SYT6: variants seen among roughly 807,000 people sequenced by gnomAD.
SYT6 encodes the protein synaptotagmin 6.
A neutral mutation model predicts 38.4 loss-of-function variants in SYT6; 24 were observed. The ratio of observed to expected loss-of-function variants is 0.62; its 90% confidence interval spans 0.45 to 0.88. The LOEUF is 0.88. Among genes scored for constraint, SYT6 ranks in the 40% least tolerant of loss-of-function variants. The pLI is 0.00. For missense variants in SYT6, 611 were observed against 621.0 expected, an observed-to-expected ratio of 0.98 and a Z score of 0.17; for synonymous variants, 265 against 241.9, an observed-to-expected ratio of 1.10 and a Z score of -0.89.
In SYT6 at chr1:114,137,530, T is replaced by C; in HGVS notation, c.1036A>G (p.Thr346Ala). The change falls in exon 3 of 8, where the codon ACC (threonine) becomes GCC (alanine). Residue 346 changes from threonine (T) to alanine (A), a missense_variant. By Grantham distance (58) the Thr-to-Ala change is moderately conservative. Coordinates refer to ENST00000610222, the MANE Select transcript of SYT6 (RefSeq NM_001253772.2). ...LFEASDLSRE[T>A]SIWKDIQYAT... Reference sequence around the variant, plus strand: ...TATTGGATATCCTTCCAGATGGAGGTTTCCCGAGACAGGTCAGAGGCCTCA... The same window carrying C: ...TATTGGATATCCTTCCAGATGGAGGCTTCCCGAGACAGGTCAGAGGCCTCA... 6.2e-7 allele frequency: 1 copy of C among 1,613,814 alleles called. No individual in the cohort carries two copies. The highest frequency in any genetic ancestry group is 8.5e-7 in the Non-Finnish European group (1 of 1,179,810).
intron 6 of SYT6, among the ~76,000 whole-genome samples, chr1:114,095,454 T>C (rs375340885): frequency 6.6e-6 from 1 of 152,338 alleles, no homozygotes; most frequent in South Asian, 2.1e-4. Context: ...GCTCTGTCAC[T>C]TTCCATTTTC....
At position 114,139,579 on chromosome 1, in the gene SYT6, T is replaced by A. The variant is rs374802990; in HGVS notation, c.512+36A>T. 5.1e-5 allele frequency: 82 copies of A among 1,611,054 alleles called. No homozygotes were observed. The Middle Eastern group carries it at 5.2e-4, about 10-fold the overall frequency. On this transcript the variant is annotated intron_variant, in intron 2 of 7. Transcript: ENST00000610222. ...TAGATGTATTAAGGGAGTGTGGAGG[T>A]GTGGGGGTCAGGGAAGGGAGTGGTC...
chr1:114,113,103 C>T (rs1383888137), intron 3 of SYT6, among the ~76,000 whole-genome samples: 1 of 152,186 alleles, frequency 6.6e-6, no homozygotes, highest in African/African-American at 2.4e-5. Flanking sequence ...TCTTTGGGGA[C>T]AGTCACCCTG....
At chr1:114,104,646 G>T (rs1676172081) in intron 3 of SYT6, among the ~76,000 whole-genome samples, 1 of 150,552 alleles carries the variant, frequency 6.6e-6, no homozygotes, top group Non-Finnish European at 1.5e-5. Flanking sequence ...TCAGCGTTTA[G>T]GGTGATTTCA....
intron 3 of SYT6, among the ~76,000 whole-genome samples, chr1:114,121,314 C>G (rs1230065889): frequency 6.6e-6 from 1 of 152,198 alleles, no homozygotes; most frequent in Non-Finnish European, 1.5e-5. Flanking sequence ...GCCCTGCACA[C>G]CTCGCACTCT....
intron 3 of SYT6, among the ~76,000 whole-genome samples, chr1:114,113,820 C>T (rs1397775459): frequency 6.6e-6 from 1 of 152,196 alleles, no homozygotes; most frequent in Non-Finnish European, 1.5e-5. Flanking sequence ...TGCTCTTCCC[C>T]AGATGGAAAA....
chr1:114,128,932 T>C (rs1224133663), intron 3 of SYT6, among the ~76,000 whole-genome samples: 1 of 152,196 alleles, frequency 6.6e-6, no homozygotes, highest in Non-Finnish European at 1.5e-5. Context: ...TATGCCGACA[T>C]CTCCAAAATC....
chr1:114,100,801 CCCCAATA>C (rs1394483938), intron 4 of SYT6, among the ~76,000 whole-genome samples: 1 of 152,204 alleles, frequency 6.6e-6, no homozygotes, highest in Non-Finnish European at 1.5e-5. Context: ...GCAGAGCTAG[CCCCAATA>C]CCTGTCTTTA....
chr1:114,103,801 G>A (rs1484885140), intron 3 of SYT6, 80 bp from the exon 4 acceptor site: 24 of 1,528,094 alleles, frequency 1.6e-5, no homozygotes, highest in East Asian at 4.8e-5. Flanking sequence ...CTGCTGGGGC[G>A]CTCTGGGGTC....
rs547335686 is a variant in SYT6, at chr1:114,113,724, A to AG, written c.1072-10004_1072-10003insC. 1.8e-3 allele frequency among the ~76,000 whole-genome samples: 267 copies of AG among 151,782 alleles called. 3 individuals carry two copies. The highest frequency in any genetic ancestry group is 6.3e-3 in the African/African-American group (260 of 41,372). ...CAGTGCCACACGGAGGCCAAAGCCTACCCCCCTGCCAGCATACAGCCGCCT... is the reference window on the plus strand; with the variant it reads ...CAGTGCCACACGGAGGCCAAAGCCTAGCCCCCCTGCCAGCATACAGCCGCCT... On this transcript the variant is annotated intron_variant, in intron 3 of 7. Coordinates refer to ENST00000610222, the MANE Select transcript of SYT6 (RefSeq NM_001253772.2).
intron 3 of SYT6, among the ~76,000 whole-genome samples, chr1:114,112,265 C>T (rs888544967): frequency 4.7e-4 from 71 of 152,262 alleles, no homozygotes; most frequent in African/African-American, 1.4e-3. Context: ...CAGCGGTGCA[C>T]GGAGGACGTG....
intron 3 of SYT6, among the ~76,000 whole-genome samples, chr1:114,128,606 T>C (rs967081896): frequency 6.6e-6 from 1 of 152,208 alleles, no homozygotes. Context: ...GCGGCCCTTG[T>C]CAAGGCCGAT....
chr1:114,129,412 TCTTACCTCTCCC>T (rs1160556133), intron 3 of SYT6, among the ~76,000 whole-genome samples: 3,202 of 151,538 alleles, frequency 0.021, 115 homozygotes, highest in African/African-American at 0.074. Flanking sequence ...CTCTCCCGCC[TCTTACCTCTCCC>T]GCCTCTTACC....
rs946726413 is a variant in SYT6, at chr1:114,153,642, G to T, written c.131C>A (p.Pro44His). ...TGCCGCGCTGGGACTCCGCTCTGGG[G>T]GCTGCAGCTCGAAGCTCCGACAAGT... ...VETCRSFELQPPERSPSAAGA... is the reference protein window; with the variant it reads ...VETCRSFELQHPERSPSAAGA... Residue 44 changes from proline to histidine, a missense_variant, in exon 1 of 8, where the codon CCC becomes CAC. By Grantham distance (77) the Pro-to-His change is moderately conservative. Transcript: ENST00000610222. The T allele has an allele frequency of 3.1e-6, 2 of 645,724 alleles. No individual in the cohort carries two copies. The highest frequency in any genetic ancestry group is 2.6e-5 in the Admixed American group (1 of 38,936). The allele number at this position is 645,724 out of a possible 1,614,324, so 40.0% of individuals were successfully genotyped here. A position where few individuals can be genotyped will look rare whatever the true frequency, so the allele number is the denominator to read the frequency against.
chr1:114,105,288 G>A (rs1023150024), intron 3 of SYT6, among the ~76,000 whole-genome samples: 4 of 151,422 alleles, frequency 2.6e-5, no homozygotes, highest in Admixed American at 6.6e-5. Flanking sequence ...ACCCTCTCCT[G>A]GAGACTCCTA....
intron 3 of SYT6, among the ~76,000 whole-genome samples, chr1:114,114,039 G>C (rs976235210): frequency 6.6e-6 from 1 of 152,040 alleles, no homozygotes; most frequent in Non-Finnish European, 1.5e-5. Context: ...TCCTCTGATT[G>C]ACCGTTCTTT....
At chr1:114,134,572 G>T (rs778651024) in intron 3 of SYT6, among the ~76,000 whole-genome samples, 4 of 152,210 alleles carry the variant, frequency 2.6e-5, no homozygotes, top group African/African-American at 4.8e-5. Flanking sequence ...CACGGGAGAG[G>T]CAGCTGCTGT....
At chr1:114,101,458 T>A (rs561226264) in intron 4 of SYT6, among the ~76,000 whole-genome samples, 1 of 152,306 alleles carries the variant, frequency 6.6e-6, no homozygotes, top group South Asian at 2.1e-4. Context: ...AAATCCAGCA[T>A]TTAGAATGTG....
At chr1:114,119,708 A>G (rs947271026) in intron 3 of SYT6, among the ~76,000 whole-genome samples, 1 of 152,140 alleles carries the variant, frequency 6.6e-6, no homozygotes. Context: ...TGTTCACCCA[A>G]TGCTTCTGGA....
Sources: gnomAD v4.1 joint callset for allele counts (sites outside exome capture counted in the v4.1 genomes callset) on GRCh38, gnomAD v4.1.1 for gene constraint, MANE v1.5 for transcripts, NCBI Gene and HGNC (gene_info 2026-07-23, HGNC 2026-07-21) for gene names.